The following THSD7B variants were observed in gnomAD, a reference collection of about 807,000 sequenced individuals.
THSD7B encodes thrombospondin type 1 domain containing 7B.
THSD7B carries 138 observed loss-of-function variants against 213.6 expected under a neutral mutation model. The ratio of observed to expected loss-of-function variants is 0.65; its 90% confidence interval spans 0.56 to 0.74. THSD7B has a LOEUF of 0.74. Ranked by LOEUF, THSD7B falls within the 30% of genes least tolerant of loss-of-function variation. The pLI is 0.00. For missense variants in THSD7B, 1,931 were observed against 1,991.5 expected (o/e 0.97, Z 0.58); for synonymous variants, 742 against 687.0 (o/e 1.08, Z -1.25).
At chr2:137,053,487 G>A (rs1687105766) in intron 2 of THSD7B, among the ~76,000 whole-genome samples, 1 of 151,414 alleles carries the variant, frequency 6.6e-6, no homozygotes, top group Non-Finnish European at 1.5e-5. Flanking sequence ...GAAATCTAAG[G>A]GAAGAATAAT....
At chr2:136,918,579 G>T (rs1213978325) in intron 2 of THSD7B, among the ~76,000 whole-genome samples, 2 of 152,222 alleles carry the variant, frequency 1.3e-5, no homozygotes, top group Non-Finnish European at 2.9e-5. Context: ...AGGTCTGATA[G>T]TTATAGGCTC....
intron 2 of THSD7B, among the ~76,000 whole-genome samples, chr2:136,983,377 A>ACACACT (rs1342830898): frequency 6.8e-6 from 1 of 146,302 alleles, no homozygotes. Context: ...ACACGCACAC[A>ACACACT]CACTCACTCT....
At position 137,659,719 on chromosome 2, in the gene THSD7B, C is replaced by T. The variant is rs746732732; in HGVS notation, c.4431C>T (p.Cys1477=). ...PAAIRQCIPA[C]RKPFSYCTQG... is the part of the protein sequence containing the mutation. ...CCATTCGGCAGTGCATTCCAGCCTG[C>T]AGAAAACCTTTCTCCTACTGTACAC... The change falls in exon 25 of 28, where the codon TGC becomes TGT. Residue 1477 remains cysteine (C), a synonymous_variant. Transcript: ENST00000409968. 1.2e-6 allele frequency: 2 copies of T among 1,604,206 alleles called. No homozygotes were observed. The highest frequency in any genetic ancestry group is 2.2e-5 in the East Asian group (1 of 44,568).
At chr2:137,052,281 A>T (rs1329662404) in intron 2 of THSD7B, among the ~76,000 whole-genome samples, 2 of 152,202 alleles carry the variant, frequency 1.3e-5, no homozygotes, top group East Asian at 3.8e-4. Flanking sequence ...ATGTTTGCCC[A>T]AGTAAACAGA....
chr2:137,045,057 G>C (rs1395549810), intron 2 of THSD7B, among the ~76,000 whole-genome samples: 1 of 152,248 alleles, frequency 6.6e-6, no homozygotes, highest in East Asian at 1.9e-4. Flanking sequence ...ATGTACTGTG[G>C]CTGTAACTTT....
intron 13 of THSD7B, among the ~76,000 whole-genome samples, chr2:137,410,785 A>G (rs1484742945): frequency 6.6e-6 from 1 of 152,222 alleles, no homozygotes; most frequent in Non-Finnish European, 1.5e-5. Context: ...GACTCTAGCT[A>G]ATGACTCATT....
rs1196119912 is a variant in THSD7B at position 136,884,152 on chromosome 2, A to T, written c.139+1835A>T. 4.2e-5 allele frequency among the ~76,000 whole-genome samples: 5 copies of T among 119,120 alleles called. 1 individual carries two copies. In the South Asian group the frequency reaches 1.2e-3, roughly 27 times the overall value. 78.1% of individuals were successfully genotyped at this position (119,120 alleles called of 152,430 possible). On this transcript the variant is annotated intron_variant, in intron 2 of 27. Coordinates refer to ENST00000409968, the MANE Select transcript of THSD7B (RefSeq NM_001316349.2). Reference sequence around the variant, plus strand: ...CACAGAAGATACACATATAGTTATTAATTAGGTTCTGTTAAAAAAGAAACA... The same window carrying T: ...CACAGAAGATACACATATAGTTATTTATTAGGTTCTGTTAAAAAAGAAACA...
At position 137,095,019 on chromosome 2, in the gene THSD7B, G is replaced by T; in HGVS notation, c.1097G>T (p.Arg366Leu). 1.2e-6 allele frequency: 2 copies of T among 1,613,790 alleles called. No individual in the cohort carries two copies. The highest frequency in any genetic ancestry group is 8.5e-7 in the Non-Finnish European group (1 of 1,179,836). ...SLLPGFRSRS[R>L]NVKHMAIGGG... ...TTGCCAGGATTTAGGAGCAGGAGCCGGAACGTGAAGCACATGGCTATTGGA... is the reference window on the plus strand; with the variant it reads ...TTGCCAGGATTTAGGAGCAGGAGCCTGAACGTGAAGCACATGGCTATTGGA... Residue 366 changes from arginine to leucine, a missense_variant, in exon 4 of 28, where the codon CGG (arginine) becomes CTG (leucine). Physicochemically the swap from Arg to Leu is moderately radical, Grantham distance 102. Transcript: ENST00000409968.
chr2:136,771,384 G>A lies in THSD7B; in HGVS notation c.-36+5697G>A, dbSNP rs138117572. Among the ~76,000 whole-genome samples the A allele has an allele frequency of 1.8e-3, 268 of 152,144 alleles. 1 individual carries two copies. Among genetic ancestry groups the A allele is most frequent in the African/African-American group, 6.1e-3 (253 of 41,510 alleles). ...CACTGCTAGATGGTCCCTGAAAAACGTAACTTAAATTATGCTTATTTCTTG... is the reference window on the plus strand; with the variant it reads ...CACTGCTAGATGGTCCCTGAAAAACATAACTTAAATTATGCTTATTTCTTG... On this transcript the variant is annotated intron_variant, in intron 1 of 27. Coordinates refer to ENST00000409968, the MANE Select transcript of THSD7B (RefSeq NM_001316349.2).
At chr2:136,802,478 T>G (rs1682200515) in intron 1 of THSD7B, among the ~76,000 whole-genome samples, 1 of 151,460 alleles carries the variant, frequency 6.6e-6, no homozygotes, top group African/African-American at 2.4e-5. Context: ...GAATAAAAAG[T>G]GTGTGCTTCT....
At chr2:137,401,318 GTGTT>G (rs1558784693) in intron 12 of THSD7B, among the ~76,000 whole-genome samples, 1 of 152,068 alleles carries the variant, frequency 6.6e-6, no homozygotes, top group Non-Finnish European at 1.5e-5. Context: ...TTTCCTTTGT[GTGTT>G]TGTTTTGTGT....
intron 1 of THSD7B, among the ~76,000 whole-genome samples, chr2:136,816,152 G>C (rs1326069635): frequency 6.6e-6 from 1 of 152,118 alleles, no homozygotes; most frequent in Non-Finnish European, 1.5e-5. Flanking sequence ...CCAAGTGCTG[G>C]GATTATAGGT....
At chr2:137,236,746 T>G (rs1681771495) in intron 9 of THSD7B, among the ~76,000 whole-genome samples, 1 of 152,072 alleles carries the variant, frequency 6.6e-6, no homozygotes, top group Non-Finnish European at 1.5e-5. Context: ...GATGACTAAT[T>G]ATGGAGGTGT....
intron 15 of THSD7B, among the ~76,000 whole-genome samples, chr2:137,464,947 T>C (rs972665706): frequency 6.6e-6 from 1 of 152,040 alleles, no homozygotes; most frequent in African/African-American, 2.4e-5. Context: ...TCTTATGTGG[T>C]CTCTCCTGAG....
intron 20 of THSD7B, among the ~76,000 whole-genome samples, chr2:137,633,157 TTAAAA>T (rs1158709488): frequency 6.6e-6 from 1 of 152,188 alleles, no homozygotes; most frequent in African/African-American, 2.4e-5. Flanking sequence ...AATTTTGCAC[TTAAAA>T]TAAACTTGGA....
intron 2 of THSD7B, among the ~76,000 whole-genome samples, chr2:137,035,775 T>C (rs1353690926): frequency 6.6e-6 from 1 of 152,144 alleles, no homozygotes; most frequent in African/African-American, 2.4e-5. Flanking sequence ...TTAACTAATG[T>C]CAGGAAAGGG....
At chr2:136,844,482 G>GAGAGAA (rs1682969445) in intron 1 of THSD7B, among the ~76,000 whole-genome samples, 1 of 149,242 alleles carries the variant, frequency 6.7e-6, no homozygotes, top group Non-Finnish European at 1.5e-5. Context: ...GAGAGAGAGA[G>GAGAGAA]AGAGAGAGAG....
At chr2:137,274,698 A>G (rs1185989348) in intron 11 of THSD7B, among the ~76,000 whole-genome samples, 1 of 152,088 alleles carries the variant, frequency 6.6e-6, no homozygotes, top group East Asian at 1.9e-4. Context: ...TATAAACTCA[A>G]TTTAAGGAAA....
chr2:136,910,954 AT>A (rs1291373345), intron 2 of THSD7B, among the ~76,000 whole-genome samples: 4 of 152,120 alleles, frequency 2.6e-5, no homozygotes, highest in Non-Finnish European at 5.9e-5. Flanking sequence ...TTGGGGTAAT[AT>A]TTACAATTCA....
Sources: gnomAD v4.1 joint callset for allele counts (sites outside exome capture counted in the v4.1 genomes callset) on GRCh38, gnomAD v4.1.1 for gene constraint, MANE v1.5 for transcripts, NCBI Gene and HGNC (gene_info 2026-07-23, HGNC 2026-07-21) for gene names.